The following PLCB1 variants were observed in gnomAD, a reference collection of about 807,000 sequenced individuals.
PLCB1 encodes the protein 1-phosphatidylinositol 4,5-bisphosphate phosphodiesterase beta-1.
PLCB1 carries 46 observed loss-of-function variants against 161.8 expected under a neutral mutation model. The observed-to-expected ratio is 0.28, with a 90% CI of 0.22 to 0.36. The LOEUF is 0.36. PLCB1 is among the 10% of genes least tolerant of loss of function. PLCB1 has a pLI of 1.00. For synonymous variants in PLCB1, 517 were observed against 503.7 expected, an observed-to-expected ratio of 1.03 and a Z score of -0.35; for missense variants, 1,016 against 1,472.5, an observed-to-expected ratio of 0.69 and a Z score of 5.07.
chr20:8,672,811 C>T (rs2123366015), intron 9 of PLCB1, among the ~76,000 whole-genome samples: 1 of 152,132 alleles, frequency 6.6e-6, no homozygotes, highest in East Asian at 1.9e-4. Context: ...GTTACCAGAC[C>T]TTATTTAAAG....
At chr20:8,681,493 C>A (rs889439588) in intron 9 of PLCB1, among the ~76,000 whole-genome samples, 1 of 152,086 alleles carries the variant, frequency 6.6e-6, no homozygotes, top group African/African-American at 2.4e-5. Flanking sequence ...GATGTTTATT[C>A]TTGCATTTCA....
intron 14 of PLCB1, among the ~76,000 whole-genome samples, chr20:8,720,845 G>T (rs1979586152): frequency 8.9e-6 from 1 of 111,862 alleles, no homozygotes; most frequent in South Asian, 3.1e-4. Flanking sequence ...TCCCCTCTCT[G>T]ATTTTTTTTT....
At chr20:8,706,045 A>C (rs1206504121) in intron 11 of PLCB1, among the ~76,000 whole-genome samples, 3 of 152,168 alleles carry the variant, frequency 2.0e-5, no homozygotes, top group African/African-American at 7.2e-5. Context: ...ATAAGAAGAA[A>C]CCCTAGGATC....
chr20:8,458,955 G>A (rs1981449378), intron 3 of PLCB1, among the ~76,000 whole-genome samples: 1 of 152,216 alleles, frequency 6.6e-6, no homozygotes, highest in African/African-American at 2.4e-5. Context: ...TAAAAGCCAT[G>A]AAGAATAAAA....
At chr20:8,267,752 G>A (rs1982045394) in intron 2 of PLCB1, among the ~76,000 whole-genome samples, 1 of 151,974 alleles carries the variant, frequency 6.6e-6, no homozygotes, top group African/African-American at 2.4e-5. Flanking sequence ...AATTTTCTGG[G>A]GTTCAAATAC....
intron 31 of PLCB1, among the ~76,000 whole-genome samples, chr20:8,794,965 A>C (rs1039731902): frequency 6.6e-6 from 1 of 152,230 alleles, no homozygotes; most frequent in Non-Finnish European, 1.5e-5. Flanking sequence ...CTTTGCTAGC[A>C]GTTTACTCAA....
intron 2 of PLCB1, among the ~76,000 whole-genome samples, chr20:8,274,207 G>GA (rs1426292208): frequency 2.0e-5 from 3 of 151,838 alleles, no homozygotes; most frequent in East Asian, 1.9e-4. Context: ...GTCAAATAGT[G>GA]AAAAAAATCA....
chr20:8,665,516 A>G (rs1331813587), intron 9 of PLCB1, among the ~76,000 whole-genome samples: 1 of 152,152 alleles, frequency 6.6e-6, no homozygotes, highest in East Asian at 1.9e-4. Flanking sequence ...AAGTATAATA[A>G]TTTATTAATG....
intron 3 of PLCB1, among the ~76,000 whole-genome samples, chr20:8,571,825 G>C (rs563807020): frequency 5.3e-5 from 8 of 152,304 alleles, no homozygotes; most frequent in African/African-American, 1.4e-4. Flanking sequence ...GACATTTAAA[G>C]CTCGGGGTGT....
intron 2 of PLCB1, among the ~76,000 whole-genome samples, chr20:8,308,342 C>T (rs188585752): frequency 7.9e-5 from 12 of 151,884 alleles, no homozygotes; most frequent in African/African-American, 2.4e-4. Context: ...TTCAGCCGGG[C>T]GCAGTGGCTC....
intron 3 of PLCB1, among the ~76,000 whole-genome samples, chr20:8,508,098 A>C (rs1983715258): frequency 6.6e-6 from 1 of 152,192 alleles, no homozygotes; most frequent in African/African-American, 2.4e-5. Flanking sequence ...GGGGTAGTTC[A>C]GCAGTGCCTG....
intron 3 of PLCB1, among the ~76,000 whole-genome samples, chr20:8,404,808 G>A (rs1978714771): frequency 6.6e-6 from 1 of 152,144 alleles, no homozygotes; most frequent in Non-Finnish European, 1.5e-5. Flanking sequence ...TATTTTGGAA[G>A]TATGGCTTTA....
chr20:8,600,343 G>T lies in PLCB1; in HGVS notation c.247-27951G>T, dbSNP rs1188571243. 1.7e-4 allele frequency among the ~76,000 whole-genome samples: 17 copies of T among 101,244 alleles called. 5 individuals carry two copies. The highest frequency in any genetic ancestry group is 3.2e-4 in the Non-Finnish European group (15 of 47,196). The allele number at this position is 101,244 out of a possible 152,430, so 66.4% of individuals were successfully genotyped here. On this transcript the variant is annotated intron_variant, in intron 3 of 31. Transcript: ENST00000338037. ...AGACAGGACCCTCAGCTACAGGTCA[G>T]TTGGAATACCCTGCCGTGTGAGGTG...
chr20:8,539,992 C>G (rs953901052), intron 3 of PLCB1, among the ~76,000 whole-genome samples: 6 of 151,996 alleles, frequency 3.9e-5, no homozygotes, highest in African/African-American at 1.2e-4. Flanking sequence ...CCAGCATTAG[C>G]CCAGAGGCTG....
chr20:8,290,885 C>T (rs1019094881), intron 2 of PLCB1, among the ~76,000 whole-genome samples: 2 of 151,916 alleles, frequency 1.3e-5, no homozygotes, highest in African/African-American at 2.4e-5. Context: ...TTTGGAAGAA[C>T]ATAAATTATA....
intron 2 of PLCB1, among the ~76,000 whole-genome samples, chr20:8,236,369 A>C (rs139141544): frequency 1.3e-3 from 196 of 152,066 alleles, no homozygotes; most frequent in African/African-American, 4.6e-3. Flanking sequence ...CTGTCTTTAC[A>C]AAAAATTCAA....
chr20:8,735,976 C>A (rs1286514765), intron 19 of PLCB1, among the ~76,000 whole-genome samples: 2 of 152,204 alleles, frequency 1.3e-5, no homozygotes, highest in African/African-American at 4.8e-5. Context: ...CTCATGCCAC[C>A]ATTTTGTCTG....
At chr20:8,203,613 G>A (rs1200147460) in intron 2 of PLCB1, among the ~76,000 whole-genome samples, 2 of 152,116 alleles carry the variant, frequency 1.3e-5, no homozygotes, top group Non-Finnish European at 2.9e-5. Flanking sequence ...TGTTCAGGGA[G>A]AGATGCACAG....
At chr20:8,549,194 A>AATAAATAT (rs1337803102) in intron 3 of PLCB1, among the ~76,000 whole-genome samples, 3 of 152,180 alleles carry the variant, frequency 2.0e-5, no homozygotes, top group Non-Finnish European at 4.4e-5. Flanking sequence ...AAAATAAATA[A>AATAAATAT]ATAAATATAT....
Sources: gnomAD v4.1 joint callset for allele counts (sites outside exome capture counted in the v4.1 genomes callset) on GRCh38, gnomAD v4.1.1 for gene constraint, MANE v1.5 for transcripts, NCBI Gene and HGNC (gene_info 2026-07-23, HGNC 2026-07-21) for gene names.